U2AF2: variants seen among roughly 807,000 people sequenced by gnomAD.
U2AF2 encodes the protein U2 small nuclear RNA auxiliary factor 2, also known as splicing factor U2AF 65 kDa subunit.
A neutral mutation model predicts 52.6 loss-of-function variants in U2AF2; 6 were observed. That is an observed-to-expected ratio of 0.11 (90% CI 0.06 to 0.23). U2AF2 has a LOEUF of 0.23. Ranked by LOEUF, U2AF2 falls within the 10% of genes least tolerant of loss-of-function variation. U2AF2 has a pLI of 1.00. For synonymous variants in U2AF2, 284 were observed against 258.2 expected (o/e 1.10, Z -0.96); for missense variants, 222 against 677.1 (o/e 0.33, Z 7.46).
intron 11 of U2AF2, among the ~76,000 whole-genome samples, chr19:55,673,321 TC>T (rs1985047020): frequency 1.3e-5 from 1 of 76,212 alleles, no homozygotes; most frequent in Non-Finnish European, 4.4e-5. Flanking sequence ...CCTCACTCCC[TC>T]TTTTTTTTTT....
At chr19:55,671,242 G>A (rs1984900883) in intron 11 of U2AF2, 1 of 152,252 alleles carries the variant, frequency 6.6e-6, no homozygotes, top group Non-Finnish European at 1.5e-5. Flanking sequence ...ATGGATTTGA[G>A]GGAGACTTGT....
intron 1 of U2AF2, 129 bp downstream of exon 1, chr19:55,655,282 GGC>G: frequency 2.0e-6 from 2 of 1,023,422 alleles, no homozygotes; most frequent in Non-Finnish European, 2.8e-6. Context: ...CTGGTTCCGT[GGC>G]GCGCGCCTCG....
Position 55,674,125 on chromosome 19 carries a change from C to G in U2AF2, c.*57C>G. On this transcript the variant is annotated 3_prime_UTR_variant, in exon 12 of 12. Coordinates refer to ENST00000308924, the MANE Select transcript of U2AF2 (RefSeq NM_007279.3). ...GCTGGGGGCTTCTCCCCACTCCCGC[C>G]CCCCCCTTATCCCCCTCTGAAGACG... 6.6e-7 allele frequency: 1 copy of G among 1,526,320 alleles called. No homozygotes were observed. The highest frequency in any genetic ancestry group is 8.8e-7 in the Non-Finnish European group (1 of 1,139,128). The allele number at this position is 1,526,320 out of a possible 1,614,324, so 94.5% of individuals were successfully genotyped here.
chr19:55,667,933 A>C (rs774391763), intron 7 of U2AF2, among the ~76,000 whole-genome samples: 17 of 152,016 alleles, frequency 1.1e-4, no homozygotes, highest in East Asian at 1.9e-4. Context: ...CTACAGGTGC[A>C]CGCTACCACA....
In U2AF2 at chr19:55,668,403, C is replaced by A; in HGVS notation, c.743-104C>A. 8.6e-7 allele frequency: 1 copy of A among 1,165,064 alleles called. No homozygotes were observed. Among genetic ancestry groups the A allele is most frequent in the Non-Finnish European group, 1.2e-6 (1 of 832,090 alleles). 72.2% of individuals were successfully genotyped at this position (1,165,064 alleles called of 1,614,324 possible). On this transcript the variant is annotated intron_variant, in intron 7 of 11. Coordinates refer to ENST00000308924, the MANE Select transcript of U2AF2 (RefSeq NM_007279.3). The surrounding 1 kb of genome is among the most constrained non-coding windows in gnomAD (Gnocchi z 5.5). ...GCGACCCCTCCCTCGTCAGATCAGG[C>A]AGGAAGTGTTCTCTTTGGCAATTGA...
At chr19:55,663,392 T>G (rs1347614680) in intron 6 of U2AF2, among the ~76,000 whole-genome samples, 1 of 152,178 alleles carries the variant, frequency 6.6e-6, no homozygotes, top group Non-Finnish European at 1.5e-5. Flanking sequence ...GCCTCTGTGT[T>G]TGTGTTGGGT....
chr19:55,674,051 C>A lies in U2AF2; in HGVS notation c.1411C>A (p.Arg471Ser). Residue 471 changes from arginine to serine, a missense_variant, in exon 12 of 12, where the codon CGC (arginine) becomes AGC (serine). Arg to Ser is a moderately radical substitution (Grantham distance 110, BLOSUM62 -1). Around this residue, in one of 4 missense-constraint regions of U2AF2, gnomAD observed 71 missense variants for 180.6 expected, o/e 0.39. Transcript: ENST00000308924. ...TKYCDPDSYH[R>S]RDFW ...ATACTGTGACCCCGACTCTTATCAC[C>A]GCCGGGACTTCTGGTAGAGGCGGCT... is the stretch of plus-strand genomic sequence containing the variant. The A allele has an allele frequency of 4.4e-6, 7 of 1,589,902 alleles. No homozygotes were observed. The highest frequency in any genetic ancestry group is 6.0e-6 in the Non-Finnish European group (7 of 1,164,884).
At chr19:55,655,267 C>A (rs923250786) in intron 1 of U2AF2, 114 bp downstream of exon 1, 17 of 1,196,824 alleles carry the variant, frequency 1.4e-5, no homozygotes, top group Admixed American at 2.4e-5. Context: ...CGGCGCCCCC[C>A]AACCCTGGTT....
At chr19:55,664,512 G>T (rs183859555) in intron 7 of U2AF2, among the ~76,000 whole-genome samples, 1 of 152,328 alleles carries the variant, frequency 6.6e-6, no homozygotes, top group East Asian at 1.9e-4. Context: ...GGGAGGGCTT[G>T]TCTGATGCCC....
Position 55,673,650 on chromosome 19 carries a change from G to A in U2AF2, c.1294-284G>A, listed in dbSNP as rs112693595. On this transcript the variant is annotated intron_variant, in intron 11 of 11. Coordinates refer to ENST00000308924, the MANE Select transcript of U2AF2 (RefSeq NM_007279.3). ...GGGACCCCTCCCCCGCGGTGAGCTC[G>A]TCTAGGCCTCCCGCCTGCGCTCTAT... Among the ~76,000 whole-genome samples the A allele has an allele frequency of 1.4e-3, 219 of 152,338 alleles. 2 individuals are homozygous for A. The highest frequency in any genetic ancestry group is 5.0e-3 in the African/African-American group (208 of 41,572).
At position 55,666,968 on chromosome 19, in the gene U2AF2, G is replaced by A. The variant is rs113477731; in HGVS notation, c.743-1539G>A. On this transcript the variant is annotated intron_variant, in intron 7 of 11. Transcript: ENST00000308924. ...TTTTGCCTTCTGTGCTGTATGTATA[G>A]CATTGCAGTAGGAGGTTGAAAGTCT... is the stretch of plus-strand genomic sequence containing the variant. 5.0e-3 allele frequency among the ~76,000 whole-genome samples: 763 copies of A among 152,306 alleles called. 9 individuals are homozygous for A. The highest frequency in any genetic ancestry group is 0.017 in the African/African-American group (723 of 41,560).
At chr19:55,670,176 G>C (rs1436422201) in intron 11 of U2AF2, among the ~76,000 whole-genome samples, 1 of 151,996 alleles carries the variant, frequency 6.6e-6, no homozygotes, top group East Asian at 1.9e-4. Flanking sequence ...ATCGTGGAAG[G>C]AGACAGGCAC....
intron 7 of U2AF2, among the ~76,000 whole-genome samples, chr19:55,666,306 T>C (rs1001737601): frequency 6.6e-6 from 1 of 152,188 alleles, no homozygotes; most frequent in African/African-American, 2.4e-5. Context: ...CTGCTCCAGG[T>C]GTGATGCTTT....
In U2AF2 at chr19:55,661,499, G is replaced by GAC. The variant is rs59262812; in HGVS notation, c.486+352_486+353dup. On this transcript the variant is annotated intron_variant, in intron 5 of 11. Transcript: ENST00000308924. Reference sequence around the variant, plus strand: ...GGAGAGAGACAGAGAGGGAGACTTGGACACACACACACACACACACACACA... The same window carrying GAC: ...GGAGAGAGACAGAGAGGGAGACTTGGACACACACACACACACACACACACACA... Among the ~76,000 whole-genome samples the GAC allele has an allele frequency of 6.1e-3, 881 of 145,174 alleles. 2 individuals are homozygous for GAC. Among genetic ancestry groups the GAC allele is most frequent in the East Asian group, 0.029 (136 of 4,730 alleles).
Position 55,662,494 on chromosome 19 carries a change from C to A in U2AF2, c.487-8C>A. ...CGCCCCCCCCCTTGTCTCCTATTCCCTCTGCAGGAGGCCATGATGGATTTC... is the reference window on the plus strand; with the variant it reads ...CGCCCCCCCCCTTGTCTCCTATTCCATCTGCAGGAGGCCATGATGGATTTC... On this transcript the variant is annotated splice_polypyrimidine_tract_variant and splice_region_variant and intron_variant, in intron 5 of 11. Coordinates refer to ENST00000308924, the MANE Select transcript of U2AF2 (RefSeq NM_007279.3). 1 of 1,572,660 alleles carries A rather than the reference C, an allele frequency of 6.4e-7. No homozygotes were observed. The highest frequency in any genetic ancestry group is 8.7e-7 in the Non-Finnish European group (1 of 1,154,486).
intron 4 of U2AF2, 99 bp from the exon 5 acceptor site, chr19:55,660,939 G>C: frequency 1.3e-6 from 2 of 1,486,492 alleles, no homozygotes; most frequent in Non-Finnish European, 1.8e-6. Flanking sequence ...GAGCCTGTAG[G>C]AGCTTTCTGC....
At chr19:55,659,429 T>C in intron 2 of U2AF2, 84 bp downstream of exon 2, 1 of 1,379,294 alleles carries the variant, frequency 7.3e-7, no homozygotes, top group Non-Finnish European at 9.4e-7. Context: ...TGTGTGTGTC[T>C]GTGTCTGGGT....
At chr19:55,673,395 G>C (rs548154068) in intron 11 of U2AF2, among the ~76,000 whole-genome samples, 5 of 151,016 alleles carry the variant, frequency 3.3e-5, no homozygotes, top group South Asian at 4.2e-4. Context: ...TTCAGTGTTC[G>C]TGTAGGCTCA....
Position 55,674,149 on chromosome 19 carries a change from C to T in U2AF2, c.*81C>T. 2 of 1,348,476 alleles carry T rather than the reference C, an allele frequency of 1.5e-6. No individual in the cohort carries two copies. The highest frequency in any genetic ancestry group is 1.9e-6 in the Non-Finnish European group (2 of 1,031,560). The allele number at this position is 1,348,476 out of a possible 1,614,324, so 83.5% of individuals were successfully genotyped here. ...CCCCCCCCTTATCCCCCTCTGAAGA[C>T]GATGGGCAGAGGAGTGACAGCCGCA... On this transcript the variant is annotated 3_prime_UTR_variant, in exon 12 of 12. Transcript: ENST00000308924.
Sources: allele counts gnomAD v4.1 joint callset (sites outside exome capture counted in the v4.1 genomes callset), GRCh38; gene constraint gnomAD v4.1.1; regional missense constraint gnomAD v4.1.1; non-coding constraint Gnocchi (gnomAD v3.1); transcripts MANE v1.5; gene names NCBI Gene and HGNC (gene_info 2026-07-23, HGNC 2026-07-21).